The following PDZD2 variants were observed in gnomAD, a reference collection of about 807,000 sequenced individuals.
PDZD2 encodes the protein PDZ domain-containing protein 2.
PDZD2 carries 90 observed loss-of-function variants against 220.7 expected under a neutral mutation model. The observed-to-expected ratio is 0.41, with a 90% CI of 0.34 to 0.49. The LOEUF is 0.49. PDZD2 is among the 20% of genes least tolerant of loss of function. PDZD2 has a pLI of 0.28. For synonymous variants in PDZD2, 1,375 were observed against 1,450.5 expected, an observed-to-expected ratio of 0.95 and a Z score of 1.18; for missense variants, 3,174 against 3,608.5, an observed-to-expected ratio of 0.88 and a Z score of 3.08.
intron 2 of PDZD2, among the ~76,000 whole-genome samples, chr5:31,982,397 T>C (rs1284036892): frequency 1.3e-5 from 2 of 152,184 alleles, no homozygotes; most frequent in African/African-American, 4.8e-5. Context: ...AGCCTCTGTC[T>C]CCCAGGCCCA....
intron 2 of PDZD2, among the ~76,000 whole-genome samples, chr5:31,898,803 C>CTCT (rs1360616258): frequency 3.8e-5 from 5 of 132,452 alleles, no homozygotes; most frequent in African/African-American, 1.4e-4. Flanking sequence ...GATGGAGCCT[C>CTCT]TCTTCTTTTT....
intron 2 of PDZD2, among the ~76,000 whole-genome samples, chr5:31,953,773 T>C (rs1229466944): frequency 3.3e-5 from 5 of 151,618 alleles, no homozygotes; most frequent in African/African-American, 1.2e-4. Flanking sequence ...TGCCTCAGCC[T>C]CCCGAGTAGC....
Position 32,090,820 on chromosome 5 carries a change from C to T in PDZD2, c.7372C>T (p.Leu2458=), listed in dbSNP as rs1171158878. The T allele has an allele frequency of 6.2e-7, 1 of 1,614,022 alleles. No individual in the cohort carries two copies. Among genetic ancestry groups the T allele is most frequent in the African/African-American group, 1.3e-5 (1 of 74,932 alleles). Residue 2458 remains leucine (L), a synonymous_variant, in exon 20 of 25, where the codon CTG becomes TTG. Transcript: ENST00000438447. This position sits in a 1 kb window ranked among gnomAD's most constrained non-coding sequence, Gnocchi z 4.3. ...GGGAATTCCCACCCCAACGATGACC[C>T]TGGCTTCTCCTGTTAAGAGGAACAA... The part of the protein sequence containing the change: ...PLGIPTPTMT[L]ASPVKRNKSS...
chr5:31,811,689 C>T (rs2150243844), intron 2 of PDZD2, among the ~76,000 whole-genome samples: 1 of 152,098 alleles, frequency 6.6e-6, no homozygotes. Flanking sequence ...GAGTGGATAG[C>T]CTTAAATTTT....
chr5:31,745,963 A>C (rs563309375), intron 1 of PDZD2, among the ~76,000 whole-genome samples: 14 of 152,256 alleles, frequency 9.2e-5, no homozygotes, highest in African/African-American at 3.4e-4. Context: ...TGATCCATAG[A>C]GCCAAGTGGA....
At position 31,763,870 on chromosome 5, in the gene PDZD2, T is replaced by TTAAAA. The variant is rs1401600794; in HGVS notation, c.-360-35019_-360-35018insTAAAA. Among the ~76,000 whole-genome samples, 501 of 137,544 alleles carry TTAAAA rather than the reference T, an allele frequency of 3.6e-3. 1 individual carries two copies. Among genetic ancestry groups the TTAAAA allele is most frequent in the South Asian group, 0.017 (73 of 4,220 alleles). The allele number at this position is 137,544 out of a possible 152,430, so 90.2% of individuals were successfully genotyped here. ...AAAGGAGAGGAGGGAGCCCTCTGATTAAAAAAAAAAAAAAAAAAGTCATAG... is the reference window on the plus strand; with the variant it reads ...AAAGGAGAGGAGGGAGCCCTCTGATTTAAAAAAAAAAAAAAAAAAAAAAGTCATAG... On this transcript the variant is annotated intron_variant, in intron 1 of 24. Transcript: ENST00000438447.
chr5:31,820,201 G>T (rs1407450444), intron 2 of PDZD2, among the ~76,000 whole-genome samples: 2 of 152,162 alleles, frequency 1.3e-5, no homozygotes, highest in Non-Finnish European at 2.9e-5. Context: ...AATCTGATTG[G>T]ATTCTGGATC....
At chr5:31,695,256 C>A (rs1159230556) in intron 1 of PDZD2, among the ~76,000 whole-genome samples, 1 of 152,214 alleles carries the variant, frequency 6.6e-6, no homozygotes, top group Non-Finnish European at 1.5e-5. Flanking sequence ...TCTGCCCGTT[C>A]CTGGGTGCCC....
intron 7 of PDZD2, among the ~76,000 whole-genome samples, chr5:32,045,445 G>A (rs1402704000): frequency 1.4e-5 from 2 of 147,650 alleles, no homozygotes; most frequent in South Asian, 2.1e-4. Flanking sequence ...TTCCCAAGAC[G>A]GAATCTTGCT....
At chr5:31,777,317 G>A (rs368701011) in intron 1 of PDZD2, among the ~76,000 whole-genome samples, 1 of 152,182 alleles carries the variant, frequency 6.6e-6, no homozygotes, top group Non-Finnish European at 1.5e-5. Flanking sequence ...TTGAATTCTC[G>A]CCAGGCCTCA....
intron 3 of PDZD2, among the ~76,000 whole-genome samples, chr5:31,988,472 G>T (rs1424716640): frequency 7.1e-6 from 1 of 140,656 alleles, no homozygotes; most frequent in Non-Finnish European, 1.5e-5. Flanking sequence ...CTGGCATGTG[G>T]ATGTATTCAC....
intron 2 of PDZD2, among the ~76,000 whole-genome samples, chr5:31,835,531 C>T (rs960361862): frequency 2.0e-5 from 3 of 151,844 alleles, no homozygotes; most frequent in African/African-American, 7.2e-5. Flanking sequence ...GCAGGAGAAT[C>T]GCTTGAACCT....
chr5:31,965,689 GT>G (rs1748676812), intron 2 of PDZD2, among the ~76,000 whole-genome samples: 1 of 152,162 alleles, frequency 6.6e-6, no homozygotes, highest in Non-Finnish European at 1.5e-5. Flanking sequence ...GAGGTCAGGA[GT>G]TCAAGACCAG....
At chr5:31,725,744 T>C (rs1358169264) in intron 1 of PDZD2, 11 of 928,510 alleles carry the variant, frequency 1.2e-5, no homozygotes, top group Admixed American at 1.8e-5. Flanking sequence ...TGATTTAGCC[T>C]TCATTTCTTT....
chr5:31,910,145 G>A (rs191431893), intron 2 of PDZD2, among the ~76,000 whole-genome samples: 8 of 150,898 alleles, frequency 5.3e-5, no homozygotes, highest in Non-Finnish European at 8.8e-5. Context: ...TTACCTATGC[G>A]CTCAAAGTCA....
chr5:32,095,882 T>TGGTGCC (rs1487158430), intron 21 of PDZD2, among the ~76,000 whole-genome samples: 1 of 142,738 alleles, frequency 7.0e-6, no homozygotes, highest in Non-Finnish European at 1.6e-5. Context: ...CTGGGACTAC[T>TGGTGCC]GGTGCCCGCC....
chr5:32,084,562 T>TA (rs1742262699), intron 19 of PDZD2, among the ~76,000 whole-genome samples: 2 of 152,270 alleles, frequency 1.3e-5, no homozygotes, highest in South Asian at 2.1e-4. Context: ...GTCAGCAGGT[T>TA]AAAAAAATGC....
intron 2 of PDZD2, among the ~76,000 whole-genome samples, chr5:31,922,763 C>G (rs547767128): frequency 7.2e-5 from 11 of 152,090 alleles, no homozygotes; most frequent in Non-Finnish European, 1.5e-4. Context: ...CTGCCCCGCC[C>G]CCCCCTCCGG....
At chr5:31,730,581 TGTGTGTGTGTG>T (rs1168646770) in intron 1 of PDZD2, among the ~76,000 whole-genome samples, 4 of 114,986 alleles carry the variant, frequency 3.5e-5, no homozygotes, top group African/African-American at 1.3e-4. Flanking sequence ...TGTGTGTGTG[TGTGTGTGTGTG>T]GTGTGTGTGT....
Sources: allele counts gnomAD v4.1 joint callset (sites outside exome capture counted in the v4.1 genomes callset), GRCh38; gene constraint gnomAD v4.1.1; non-coding constraint Gnocchi (gnomAD v3.1); transcripts MANE v1.5; gene names NCBI Gene and HGNC (gene_info 2026-07-23, HGNC 2026-07-21).